Variants in LIN7C observed in about 807,000 individuals in gnomAD.
LIN7C encodes protein lin-7 homolog C.
LIN7C carries 17 observed loss-of-function variants against 24.7 expected under a neutral mutation model. The ratio of observed to expected loss-of-function variants is 0.69; its 90% CI spans 0.47 to 1.03. The LOEUF is 1.03. Among genes scored for constraint, LIN7C ranks in the 50% least tolerant of loss-of-function variants. The pLI is 0.00. For synonymous variants in LIN7C, 90 were observed against 83.4 expected (o/e 1.08, Z -0.43); for missense variants, 204 against 239.0 (o/e 0.85, Z 0.97).
At position 27,496,112 on chromosome 11, in the gene LIN7C, GTTA is replaced by G. The variant is rs1472149737; in HGVS notation, c.*2534_*2536del. The G allele has an allele frequency of 6.7e-6, 1 of 149,366 alleles. No homozygotes were observed. Among genetic ancestry groups the G allele is most frequent in the Non-Finnish European group, 1.5e-5 (1 of 67,592 alleles). The allele number at this position is 149,366 out of a possible 1,614,324, so 9.3% of individuals were successfully genotyped here. A position where few individuals can be genotyped will look rare whatever the true frequency, so the allele number is the denominator to read the frequency against. On this transcript the variant is annotated 3_prime_UTR_variant, in exon 5 of 5. Transcript: ENST00000278193. ...GTGTAATCAGATCATTTTATAATGGGTTATTGACCCTAGGTGTCCTTTAGAACC... is the reference window on the plus strand; with the variant it reads ...GTGTAATCAGATCATTTTATAATGGGTTGACCCTAGGTGTCCTTTAGAACC...
At position 27,501,400 on chromosome 11, in the gene LIN7C, G is replaced by T. The variant is rs1185456720; in HGVS notation, c.228+95C>A. ...GGTGTAGCTTGAAAGATACATGTTA[G>T]TCTTCAAAGTAAGTTTATTATGAAT... On this transcript the variant is annotated intron_variant, in intron 3 of 4. Coordinates refer to ENST00000278193, the MANE Select transcript of LIN7C (RefSeq NM_018362.4). 5.2e-6 allele frequency: 4 copies of T among 770,054 alleles called. No homozygotes were observed. In the African/African-American group the frequency reaches 7.3e-5, roughly 14 times the overall value. The allele number at this position is 770,054 out of a possible 1,614,324, so 47.7% of individuals were successfully genotyped here.
intron 3 of LIN7C, among the ~76,000 whole-genome samples, chr11:27,500,483 T>A (rs1865214100): frequency 6.6e-6 from 1 of 152,208 alleles, no homozygotes; most frequent in South Asian, 2.1e-4. Context: ...CCACAGAAGA[T>A]GAAACAGAGC....
chr11:27,502,238 T>C (rs1453878870), intron 1 of LIN7C, among the ~76,000 whole-genome samples: 3 of 152,220 alleles, frequency 2.0e-5, no homozygotes, highest in Admixed American at 6.5e-5. Flanking sequence ...CGGAAAGGAC[T>C]GTGACTCAAA....
At chr11:27,500,399 T>G (rs1445514723) in intron 3 of LIN7C, among the ~76,000 whole-genome samples, 1 of 152,168 alleles carries the variant, frequency 6.6e-6, no homozygotes, top group East Asian at 1.9e-4. Flanking sequence ...AACTCAATAT[T>G]GAGAAAAAGA....
rs774347665 is a variant in LIN7C at position 27,506,769 on chromosome 11, C to T, written c.-17G>A. On this transcript the variant is annotated 5_prime_UTR_variant, in exon 1 of 5. Coordinates refer to ENST00000278193, the MANE Select transcript of LIN7C (RefSeq NM_018362.4). ...CGCCGCCATCTTCTCCCTTAACCTA[C>T]AGACCCACAGGAAATGACGACAGAA... 2 of 1,614,114 alleles carry T rather than the reference C, an allele frequency of 1.2e-6. No homozygotes were observed. Among genetic ancestry groups the T allele is most frequent in the South Asian group, 1.1e-5 (1 of 91,086 alleles).
chr11:27,506,617 G>T, intron 1 of LIN7C, 99 bp downstream of exon 1: 1 of 1,375,258 alleles, frequency 7.3e-7, no homozygotes, highest in Non-Finnish European at 1.0e-6. Flanking sequence ...GGACAGCGTG[G>T]CCCGGATCTC....
In LIN7C at chr11:27,498,578, A is replaced by G; in HGVS notation, c.*71T>C. The G allele has an allele frequency of 7.4e-7, 1 of 1,352,904 alleles. No homozygotes were observed. The highest frequency in any genetic ancestry group is 1.3e-5 in the South Asian group (1 of 77,414). 83.8% of individuals were successfully genotyped at this position (1,352,904 alleles called of 1,614,324 possible). ...GTTTTCTTACAATCATTGGCATTGC[A>G]GCCATTAGTAAGTCACAAGGAAAAC... On this transcript the variant is annotated 3_prime_UTR_variant, in exon 5 of 5. Coordinates refer to ENST00000278193, the MANE Select transcript of LIN7C (RefSeq NM_018362.4).
chr11:27,497,541 A>C lies in LIN7C; in HGVS notation c.*1108T>G, dbSNP rs1471870515. ...TTGCCTCTTTAAATCCAACAATTTT[A>C]GTATGAGTTCCTACTTATTTTGATG... On this transcript the variant is annotated 3_prime_UTR_variant, in exon 5 of 5. Coordinates refer to ENST00000278193, the MANE Select transcript of LIN7C (RefSeq NM_018362.4). 1 of 152,588 alleles carries C rather than the reference A, an allele frequency of 6.6e-6. No individual in the cohort carries two copies. Among genetic ancestry groups the C allele is most frequent in the Non-Finnish European group, 1.5e-5 (1 of 67,962 alleles). 9.5% of individuals were successfully genotyped at this position (152,588 alleles called of 1,614,324 possible).
Position 27,494,827 on chromosome 11 carries a change from T to C in LIN7C, c.*3822A>G, listed in dbSNP as rs1190513255. ...GGAATAACCTTTGAAGAAACACTAC[T>C]AGCAAACTTTAGACAACAATTATAA... On this transcript the variant is annotated 3_prime_UTR_variant, in exon 5 of 5. Transcript: ENST00000278193. 1 of 152,198 alleles carries C rather than the reference T, an allele frequency of 6.6e-6. No homozygotes were observed. The highest frequency in any genetic ancestry group is 1.5e-5 in the Non-Finnish European group (1 of 68,020). The allele number at this position is 152,198 out of a possible 1,614,324, so 9.4% of individuals were successfully genotyped here.
rs369818004 is a variant in LIN7C at position 27,499,575 on chromosome 11, G to T, written c.229-7C>A. ...CAAATGCAGCAACAGTAGCCTGAAA[G>T]AAAGTTTTACATATTAAAAATATGA... On this transcript the variant is annotated splice_region_variant and splice_polypyrimidine_tract_variant and intron_variant, in intron 3 of 4. Transcript: ENST00000278193. 2 of 1,611,484 alleles carry T rather than the reference G, an allele frequency of 1.2e-6. No homozygotes were observed. Among genetic ancestry groups the T allele is most frequent in the Non-Finnish European group, 8.5e-7 (1 of 1,178,476 alleles).
At chr11:27,505,926 A>C (rs958815053) in intron 1 of LIN7C, among the ~76,000 whole-genome samples, 1 of 152,192 alleles carries the variant, frequency 6.6e-6, no homozygotes, top group African/African-American at 2.4e-5. Flanking sequence ...AAAGGACTGG[A>C]AACGCTGGAA....
In LIN7C at chr11:27,500,686, C is replaced by G. The variant is rs193241795; in HGVS notation, c.228+809G>C. On this transcript the variant is annotated intron_variant, in intron 3 of 4. Coordinates refer to ENST00000278193, the MANE Select transcript of LIN7C (RefSeq NM_018362.4). ...TGAAGAAATCAAGATTTACTGAATA[C>G]CCGTTATCTTCGAAGCTCTGAAAAA... Among the ~76,000 whole-genome samples, 117 of 151,940 alleles carry G rather than the reference C, an allele frequency of 7.7e-4. No homozygotes were observed. The East Asian group carries it at 0.014, about 19-fold the overall frequency.
At chr11:27,506,559 C>T (rs992242160) in intron 1 of LIN7C, among the ~76,000 whole-genome samples, 157 bp downstream of exon 1, 1 of 152,200 alleles carries the variant, frequency 6.6e-6, no homozygotes, top group Non-Finnish European at 1.5e-5. Context: ...AAGCGCCCTT[C>T]CTAGAGCCAG....
intron 1 of LIN7C, among the ~76,000 whole-genome samples, chr11:27,506,340 C>T (rs929034849): frequency 6.6e-6 from 1 of 152,210 alleles, no homozygotes; most frequent in South Asian, 2.1e-4. Flanking sequence ...TCGTGCTGTA[C>T]AGGCAATGAG....
chr11:27,500,869 T>C (rs1323744083), intron 3 of LIN7C, among the ~76,000 whole-genome samples: 1 of 152,182 alleles, frequency 6.6e-6, no homozygotes, highest in African/African-American at 2.4e-5. Flanking sequence ...GAATCCACCA[T>C]TTCCTTTTGT....
intron 3 of LIN7C, among the ~76,000 whole-genome samples, chr11:27,500,406 AAG>A (rs1336790265): frequency 6.6e-6 from 1 of 152,204 alleles, no homozygotes; most frequent in Non-Finnish European, 1.5e-5. Context: ...TATTGAGAAA[AAG>A]AGAGGTACAT....
intron 3 of LIN7C, 122 bp downstream of exon 3, chr11:27,501,373 T>C: frequency 3.1e-6 from 2 of 654,576 alleles, no homozygotes; most frequent in Non-Finnish European, 2.6e-6. Flanking sequence ...CTTGAGAAAT[T>C]TGGTGTAGCT....
intron 1 of LIN7C, among the ~76,000 whole-genome samples, chr11:27,504,537 G>A (rs1476158598): frequency 6.6e-6 from 1 of 152,122 alleles, no homozygotes; most frequent in Non-Finnish European, 1.5e-5. Context: ...AAGAATCAGA[G>A]GTGATGTAAT....
In LIN7C at chr11:27,497,676, G is replaced by A. The variant is rs921640160; in HGVS notation, c.*973C>T. 1 of 152,014 alleles carries A rather than the reference G, an allele frequency of 6.6e-6. No homozygotes were observed. Among genetic ancestry groups the A allele is most frequent in the African/African-American group, 2.4e-5 (1 of 41,390 alleles). The allele number at this position is 152,014 out of a possible 1,614,324, so 9.4% of individuals were successfully genotyped here. ...TTATTTAAATTGAGCTAGTAAGAAT[G>A]TCTACTCTTGAAGCTAGTGAGGTTA... On this transcript the variant is annotated 3_prime_UTR_variant, in exon 5 of 5. Coordinates refer to ENST00000278193, the MANE Select transcript of LIN7C (RefSeq NM_018362.4).
Sources: gnomAD v4.1 joint callset for allele counts (sites outside exome capture counted in the v4.1 genomes callset) on GRCh38, gnomAD v4.1.1 for gene constraint, MANE v1.5 for transcripts, NCBI Gene and HGNC (gene_info 2026-07-23, HGNC 2026-07-21) for gene names.